Variants in CFP observed in about 807,000 individuals in gnomAD.
CFP encodes the protein complement factor properdin, also known as properdin.
In CFP, 14 loss-of-function variants were observed where a neutral mutation model predicts 42.1. The observed-to-expected ratio is 0.33, with a 90% CI of 0.22 to 0.52. The LOEUF is 0.52. Among genes scored for constraint, CFP ranks in the 20% least tolerant of loss-of-function variants. The pLI is 0.96. For synonymous variants in CFP, 149 were observed against 160.6 expected, an observed-to-expected ratio of 0.93 and a Z score of 0.54; for missense variants, 318 against 400.4, an observed-to-expected ratio of 0.79 and a Z score of 1.76.
At chrX:47,626,593 G>A in intron 6 of CFP, 74 bp from the exon 7 acceptor site, 1 of 1,113,925 alleles carries the variant, frequency 9.0e-7, no homozygotes, top group Non-Finnish European at 1.2e-6. Context: ...AGGAATGAGG[G>A]CGGTAGGAGG....
In CFP at chrX:47,624,262, G is replaced by T; in HGVS notation, c.*13C>A. 1 of 1,210,031 alleles carries T rather than the reference G, an allele frequency of 8.3e-7. No individual in the cohort carries two copies. The highest frequency in any genetic ancestry group is 1.1e-6 in the Non-Finnish European group (1 of 894,110). On this transcript the variant is annotated 3_prime_UTR_variant, in exon 9 of 9. Transcript: ENST00000396992. Reference sequence around the variant, plus strand: ...TTGGAAGGTCAGGGGGCTCAGAGTGGAGGAGAGAAGTGTTAGAGTTCCTCT... The same window carrying T: ...TTGGAAGGTCAGGGGGCTCAGAGTGTAGGAGAGAAGTGTTAGAGTTCCTCT...
chrX:47,626,297 A>C (rs2057968175), intron 7 of CFP, 31 bp downstream of exon 7: 1 of 1,199,281 alleles, frequency 8.3e-7, no homozygotes, highest in Non-Finnish European at 1.1e-6. Flanking sequence ...GGGCCACCCC[A>C]CCCTCAGAGC....
Position 47,629,845 on chromosome X carries a change from G to GTT in CFP, c.-3_-2dup. 1 of 1,166,622 alleles carries GTT rather than the reference G, an allele frequency of 8.6e-7. No individual in the cohort carries two copies. Among genetic ancestry groups the GTT allele is most frequent in the Non-Finnish European group, 1.1e-6 (1 of 872,142 alleles). ...GGGCCTGCGCTCCCTCTGTGATCAT[G>GTT]TTGAGTACTGCCCCCTGCACCTCTA... On this transcript the variant is annotated 5_prime_UTR_variant, in exon 1 of 9. Coordinates refer to ENST00000396992, the MANE Select transcript of CFP (RefSeq NM_001145252.3).
At position 47,629,764 on chromosome X, in the gene CFP, C is replaced by T; in HGVS notation, c.76+5G>A. 1.7e-6 allele frequency: 2 copies of T among 1,169,358 alleles called. No individual in the cohort carries two copies. Among genetic ancestry groups the T allele is most frequent in the Non-Finnish European group, 2.3e-6 (2 of 873,747 alleles). On this transcript the variant is annotated splice_donor_5th_base_variant and intron_variant, in intron 1 of 8. Transcript: ENST00000396992. ...CTGGGGCCAGCTGGGCCCTCACCCC[C>T]TCACCTGTGGCTGGCAGGGTGAGCA... is the stretch of plus-strand genomic sequence containing the variant.
Position 47,627,170 on chromosome X carries a change from C to G in CFP, c.737G>C (p.Arg246Pro). Residue 246 changes from arginine to proline, a missense_variant, in exon 5 of 9, where the codon CGG (arginine) becomes CCG (proline). Arg to Pro is a moderately radical substitution (Grantham distance 103). Transcript: ENST00000396992. ...KPCPGLAYEQ[R>P]RCTGLPPCPV... ...GCAGGGTGGCAGGCCGGTGCACCTC[C>G]GCTGCTCGTAGGCTAGCCCCGGGCA... 8.3e-7 allele frequency: 1 copy of G among 1,211,804 alleles called. No homozygotes were observed. Among genetic ancestry groups the G allele is most frequent in the Non-Finnish European group, 1.1e-6 (1 of 895,404 alleles).
intron 5 of CFP, 53 bp from the exon 6 acceptor site, chrX:47,626,999 C>T: frequency 1.7e-6 from 2 of 1,149,927 alleles, no homozygotes; most frequent in Non-Finnish European, 2.3e-6. Context: ...TCCTTCCTCT[C>T]AGCCCCTAGA....
Position 47,624,298 on chromosome X carries a change from C to T in CFP, c.1387G>A (p.Asp463Asn). The T allele has an allele frequency of 8.3e-7, 1 of 1,211,101 alleles. No homozygotes were observed. The highest frequency in any genetic ancestry group is 1.1e-6 in the Non-Finnish European group (1 of 895,355). The change falls in exon 9 of 9, where the codon GAC becomes AAC. Residue 463 changes from aspartate to asparagine, a missense_variant. Transcript: ENST00000396992. ...RPCLHVPACK[D>N]PEEEEL ...TGTTAGAGTTCCTCTTCCTCAGGGTCTTTGCAAGCAGGCACGTGTAGACAT... is the reference window on the plus strand; with the variant it reads ...TGTTAGAGTTCCTCTTCCTCAGGGTTTTTGCAAGCAGGCACGTGTAGACAT...
At chrX:47,629,499 T>TCCCCCCCCC in intron 2 of CFP, 25 bp downstream of exon 2, 2 of 373,014 alleles carry the variant, frequency 5.4e-6, no homozygotes, top group Non-Finnish European at 9.4e-6. Context: ...CTCCCCCCCA[T>TCCCCCCCCC]CCCCCACCCC....
chrX:47,629,702 T>TG, intron 1 of CFP, 28 bp from the exon 2 acceptor site: 1 of 359,853 alleles, frequency 2.8e-6, no homozygotes, highest in Non-Finnish European at 4.9e-6. Flanking sequence ...GATGGGTGGG[T>TG]GGGGCTCGGT....
At chrX:47,624,539 CTTTTTTT>C in intron 8 of CFP, 99 bp from the exon 9 acceptor site, 3 of 307,671 alleles carry the variant, frequency 9.8e-6, no homozygotes, top group South Asian at 6.0e-5. Context: ...CCGAGGGCTA[CTTTTTTT>C]TTTTTTTTTT....
chrX:47,625,466 C>T (rs2057964691), intron 8 of CFP: 1 of 132,560 alleles, frequency 7.5e-6, no homozygotes, highest in Non-Finnish European at 1.5e-5. Context: ...CTCCAAGGCT[C>T]CGTTCACAGT....
At position 47,629,575 on chromosome X, in the gene CFP, T is replaced by C. The variant is rs1248680245; in HGVS notation, c.176A>G (p.Asn59Ser). The C allele has an allele frequency of 2.6e-6, 3 of 1,165,124 alleles. No individual in the cohort carries two copies. In the East Asian group the frequency reaches 9.6e-5, roughly 37 times the overall value. ...ACGTTTCTGGTAGGCAAAGGCAGTG[T>C]TGAGACAGCAGTCTTCCACGCTGAC... ...GGVSVEDCCLNTAFAYQKRSG... is the reference protein window; with the variant it reads ...GGVSVEDCCLSTAFAYQKRSG... Residue 59 changes from asparagine to serine, a missense_variant, in exon 2 of 9, where the codon AAC becomes AGC. By Grantham distance (46) the Asn-to-Ser change is conservative. Transcript: ENST00000396992.
At chrX:47,624,660 T>C in intron 8 of CFP, 1 of 338,657 alleles carries the variant, frequency 3.0e-6, no homozygotes, top group African/African-American at 2.7e-5. Flanking sequence ...GCTCAAGTGA[T>C]GCTCCTGCCT....
rs1361188937 is a variant in CFP at position 47,623,736 on chromosome X, C to A, written c.*539G>T. On this transcript the variant is annotated 3_prime_UTR_variant, in exon 9 of 9. Coordinates refer to ENST00000396992, the MANE Select transcript of CFP (RefSeq NM_001145252.3). ...GAGTGGGTGGGTGCAGGTGCTCGGG[C>A]GGCAGGGTGCCAGCCTCGGCCACGC... 1 of 119,598 alleles carries A rather than the reference C, an allele frequency of 8.4e-6. No individual in the cohort carries two copies. Among genetic ancestry groups the A allele is most frequent in the Admixed American group, 8.4e-5 (1 of 11,969 alleles). 9.9% of individuals were successfully genotyped at this position (119,598 alleles called of 1,213,427 possible). A position where few individuals can be genotyped will look rare whatever the true frequency, so the allele number is the denominator to read the frequency against.
chrX:47,627,138 T>C lies in CFP; in HGVS notation c.766+3A>G, dbSNP rs1460598269. On this transcript the variant is annotated splice_donor_region_variant and intron_variant, in intron 5 of 8. Transcript: ENST00000396992. The stretch of plus-strand genomic sequence containing the variant: ...CAACATCAGCAGCCTCATCCTGGTG[T>C]ACCTGGGCAGGGTGGCAGGCCGGTG... 1.2e-5 allele frequency: 15 copies of C among 1,210,436 alleles called. No individual in the cohort carries two copies. The highest frequency in any genetic ancestry group is 1.7e-5 in the Non-Finnish European group (15 of 894,898).
At chrX:47,626,546 G>A (rs772374297) in intron 6 of CFP, 27 bp from the exon 7 acceptor site, 8 of 1,202,223 alleles carry the variant, frequency 6.7e-6, no homozygotes, top group East Asian at 3.0e-5. Context: ...ACAGGGGATT[G>A]GACCAAAGCA....
At chrX:47,626,605 A>C in intron 6 of CFP, 86 bp from the exon 7 acceptor site, 2 of 1,072,430 alleles carry the variant, frequency 1.9e-6, no homozygotes, top group South Asian at 3.9e-5. Flanking sequence ...GGTAGGAGGG[A>C]GTAGAGGTGA....
chrX:47,626,806 T>C lies in CFP; in HGVS notation c.907A>G (p.Thr303Ala). 8.3e-7 allele frequency: 1 copy of C among 1,210,603 alleles called. No individual in the cohort carries two copies. Among genetic ancestry groups the C allele is most frequent in the East Asian group, 3.0e-5 (1 of 33,797 alleles). ...GGCACAGCTGTGTTGCAGATGTGGGTCCGGGTGGCATCGCCAGCACAGAAG... is the reference window on the plus strand; with the variant it reads ...GGCACAGCTGTGTTGCAGATGTGGGCCCGGGTGGCATCGCCAGCACAGAAG... ...GPFCAGDATR[T>A]HICNTAVPCP... Residue 303 changes from threonine (T) to alanine (A), a missense_variant, in exon 6 of 9, where the codon ACC becomes GCC. Transcript: ENST00000396992.
chrX:47,627,025 G>C (rs2057971569), intron 5 of CFP, 79 bp from the exon 6 acceptor site: 1 of 1,137,194 alleles, frequency 8.8e-7, no homozygotes, highest in Admixed American at 2.6e-5. Context: ...GAAGCAGACT[G>C]TCCCCAAATG....
Sources: allele counts gnomAD v4.1 joint callset, GRCh38; gene constraint gnomAD v4.1.1; transcripts MANE v1.5; gene names NCBI Gene and HGNC (gene_info 2026-07-23, HGNC 2026-07-21).